FSTL1: variants seen among roughly 807,000 people sequenced by gnomAD.
FSTL1 encodes the protein follistatin like 1.
FSTL1 carries 24 observed loss-of-function variants against 45.9 expected under a neutral mutation model. That is an observed-to-expected ratio of 0.52 (90% CI 0.38 to 0.74). FSTL1 has a LOEUF of 0.74. Ranked by LOEUF, FSTL1 falls within the 30% of genes least tolerant of loss-of-function variation. The pLI is 0.00. For synonymous variants in FSTL1, 120 were observed against 137.6 expected, an observed-to-expected ratio of 0.87 and a Z score of 0.89; for missense variants, 340 against 381.8, an observed-to-expected ratio of 0.89 and a Z score of 0.91.
chr3:120,401,008 G>A (rs1304315029), intron 9 of FSTL1, among the ~76,000 whole-genome samples: 1 of 152,214 alleles, frequency 6.6e-6, no homozygotes, highest in Non-Finnish European at 1.5e-5. Context: ...TGATGCATGT[G>A]ATAGAGATTA....
chr3:120,417,083 A>G (rs1310885213), intron 2 of FSTL1, among the ~76,000 whole-genome samples: 1 of 152,154 alleles, frequency 6.6e-6, no homozygotes, highest in African/African-American at 2.4e-5. Context: ...ACTCAAGGCT[A>G]CTGGGCTAGA....
rs1936660488 is a variant in FSTL1, at chr3:120,394,646, C to T, written c.*2306G>A. 1 of 152,158 alleles carries T rather than the reference C, an allele frequency of 6.6e-6. No homozygotes were observed. The highest frequency in any genetic ancestry group is 2.4e-5 in the African/African-American group (1 of 41,428). The allele number at this position is 152,158 out of a possible 1,614,324, so 9.4% of individuals were successfully genotyped here. On this transcript the variant is annotated 3_prime_UTR_variant, in exon 11 of 11. Transcript: ENST00000295633. Reference sequence around the variant, plus strand: ...GCCCAAGGAAGCCTGCAGGCTAAGCCCTATGCTTTTAGAGGGCTGAAGGAA... The same window carrying T: ...GCCCAAGGAAGCCTGCAGGCTAAGCTCTATGCTTTTAGAGGGCTGAAGGAA...
intron 2 of FSTL1, among the ~76,000 whole-genome samples, chr3:120,426,375 C>A (rs935846431): frequency 2.6e-5 from 4 of 152,058 alleles, no homozygotes; most frequent in Admixed American, 2.6e-4. Flanking sequence ...AGCCCTGAAC[C>A]CATTAGGATT....
chr3:120,404,770 T>C, intron 7 of FSTL1, 83 bp downstream of exon 7: 1 of 775,426 alleles, frequency 1.3e-6, no homozygotes. Flanking sequence ...GGTGGCTCTT[T>C]TGCAGGTGGG....
chr3:120,443,778 T>G (rs1289520064), intron 2 of FSTL1, among the ~76,000 whole-genome samples: 1 of 149,892 alleles, frequency 6.7e-6, no homozygotes, highest in Non-Finnish European at 1.5e-5. Context: ...AGACTAATCC[T>G]GGGAATAGTT....
intron 2 of FSTL1, 36 bp downstream of exon 2, chr3:120,450,648 G>C (rs1040575415): frequency 5.2e-5 from 77 of 1,475,982 alleles, no homozygotes; most frequent in Non-Finnish European, 6.9e-5. Flanking sequence ...AAGAGGCCCC[G>C]GGGACCGAGT....
chr3:120,420,072 T>C (rs1222083886), intron 2 of FSTL1, among the ~76,000 whole-genome samples: 1 of 152,188 alleles, frequency 6.6e-6, no homozygotes, highest in East Asian at 1.9e-4. Flanking sequence ...AGGTTCCCTC[T>C]TGGGGTACAA....
At chr3:120,403,183 T>C (rs1274581437) in intron 8 of FSTL1, 59 bp downstream of exon 8, 76 of 940,826 alleles carry the variant, frequency 8.1e-5, no homozygotes, top group Non-Finnish European at 1.3e-4. Context: ...CCTCTCTATC[T>C]TGGCTCCTAC....
At chr3:120,408,742 C>T (rs370450533) in intron 6 of FSTL1, among the ~76,000 whole-genome samples, 1 of 151,728 alleles carries the variant, frequency 6.6e-6, no homozygotes, top group African/African-American at 2.4e-5. Context: ...TGTGTGTGTG[C>T]GTGTCTGGCA....
Position 120,395,486 on chromosome 3 carries a change from C to T in FSTL1, c.*1466G>A, listed in dbSNP as rs933987097. The T allele has an allele frequency of 2.8e-5, 11 of 388,798 alleles. No individual in the cohort carries two copies. Among genetic ancestry groups the T allele is most frequent in the South Asian group, 9.9e-5 (5 of 50,636 alleles). The allele number at this position is 388,798 out of a possible 1,614,324, so 24.1% of individuals were successfully genotyped here. On this transcript the variant is annotated 3_prime_UTR_variant, in exon 11 of 11. Transcript: ENST00000295633. ...TAAGGGAATGCTTTCTATTTCCAGC[C>T]GGAGGTTAAACATGAAATGCAAATA...
At position 120,450,711 on chromosome 3, in the gene FSTL1, C is replaced by CAGCGCGAGCGCG; in HGVS notation, c.24_35dup (p.Ala9_Leu12dup). 4 of 1,566,106 alleles carry CAGCGCGAGCGCG rather than the reference C, an allele frequency of 2.6e-6. No homozygotes were observed. Among genetic ancestry groups the CAGCGCGAGCGCG allele is most frequent in the Non-Finnish European group, 3.4e-6 (4 of 1,162,230 alleles). The stretch of plus-strand genomic sequence containing the variant: ...CGGCGCGGACCCAGGCGACCGCCAC[C>CAGCGCGAGCGCG]AGCGCGAGCGCGAGCGCGAGCCAGC... On this transcript the variant is annotated inframe_insertion, in exon 2 of 11. Coordinates refer to ENST00000295633, the MANE Select transcript of FSTL1 (RefSeq NM_007085.5).
chr3:120,438,270 TC>T (rs1559744307), intron 2 of FSTL1: 1 of 141,052 alleles, frequency 7.1e-6, no homozygotes, highest in Non-Finnish European at 1.6e-5. Context: ...CTTCCCTTTT[TC>T]CCCCCAAAAT....
chr3:120,412,874 A>ACACACT (rs1321411655), intron 3 of FSTL1, among the ~76,000 whole-genome samples: 1 of 145,328 alleles, frequency 6.9e-6, no homozygotes, highest in Non-Finnish European at 1.5e-5. Context: ...ACACACACAC[A>ACACACT]CTCCAATTCT....
rs912008178 is a variant in FSTL1 at position 120,396,819 on chromosome 3, A to G, written c.*133T>C. 14 of 718,078 alleles carry G rather than the reference A, an allele frequency of 1.9e-5. No individual in the cohort carries two copies. Among genetic ancestry groups the G allele is most frequent in the African/African-American group, 5.3e-5 (3 of 56,448 alleles). The allele number at this position is 718,078 out of a possible 1,614,324, so 44.5% of individuals were successfully genotyped here. A position where few individuals can be genotyped will look rare whatever the true frequency, so the allele number is the denominator to read the frequency against. ...TCATATCCTTTATTGCAAAACAAATAAACAAAATAAAACTCATTGCTATAT... is the reference window on the plus strand; with the variant it reads ...TCATATCCTTTATTGCAAAACAAATGAACAAAATAAAACTCATTGCTATAT... On this transcript the variant is annotated 3_prime_UTR_variant, in exon 11 of 11. Coordinates refer to ENST00000295633, the MANE Select transcript of FSTL1 (RefSeq NM_007085.5).
At chr3:120,428,686 A>T (rs1346752968) in intron 2 of FSTL1, among the ~76,000 whole-genome samples, 1 of 152,166 alleles carries the variant, frequency 6.6e-6, no homozygotes, top group Non-Finnish European at 1.5e-5. Context: ...ATGAGCCTAG[A>T]TTGCACCACT....
At chr3:120,407,756 C>T (rs1255018940) in intron 6 of FSTL1, among the ~76,000 whole-genome samples, 1 of 152,204 alleles carries the variant, frequency 6.6e-6, no homozygotes, top group African/African-American at 2.4e-5. Flanking sequence ...TCCTGTTAGA[C>T]ACTGCCAGAG....
intron 2 of FSTL1, among the ~76,000 whole-genome samples, chr3:120,418,587 G>T (rs549884566): frequency 2.3e-4 from 35 of 152,314 alleles, no homozygotes; most frequent in Non-Finnish European, 4.1e-4. Context: ...TCCAGATGAC[G>T]TAAGGAAATT....
intron 2 of FSTL1, chr3:120,423,648 T>C (rs577010830): frequency 5.3e-5 from 8 of 152,182 alleles, no homozygotes; most frequent in Non-Finnish European, 1.0e-4. Flanking sequence ...AGTGACGAGT[T>C]GGAGAGTCTC....
intron 2 of FSTL1, among the ~76,000 whole-genome samples, chr3:120,449,311 A>G (rs1218523773): frequency 6.6e-6 from 1 of 152,250 alleles, no homozygotes. Flanking sequence ...AACTGCAGGT[A>G]ACGTACACAG....
Sources: allele counts gnomAD v4.1 joint callset (sites outside exome capture counted in the v4.1 genomes callset), GRCh38; gene constraint gnomAD v4.1.1; transcripts MANE v1.5; gene names NCBI Gene and HGNC (gene_info 2026-07-23, HGNC 2026-07-21).